The following PRKN variants were observed in gnomAD, a reference collection of about 807,000 sequenced individuals.
PRKN encodes parkin RBR E3 ubiquitin protein ligase, also known as E3 ubiquitin-protein ligase parkin.
Under a neutral mutation model 59.5 loss-of-function variants are expected in PRKN, and 56 were observed. The ratio of observed to expected loss-of-function variants is 0.94; its 90% CI spans 0.76 to 1.18. The LOEUF (loss-of-function observed/expected upper bound fraction) is 1.18, where lower values mean the gene tolerates loss of function less well. Ranked by LOEUF, PRKN falls within the 50% of genes most tolerant of loss-of-function variation. The pLI is 0.00. For missense variants in PRKN, 657 were observed against 596.4 expected (o/e 1.10, Z -1.06); for synonymous variants, 250 against 222.1 (o/e 1.13, Z -1.12).
Position 161,775,482 on chromosome 6 carries a change from G to A in PRKN, c.871+10290C>T, listed in dbSNP as rs111922133. Among the ~76,000 whole-genome samples the A allele has an allele frequency of 4.0e-3, 610 of 152,224 alleles. 8 individuals are homozygous for A. The highest frequency in any genetic ancestry group is 0.014 in the African/African-American group (568 of 41,548). On this transcript the variant is annotated intron_variant, in intron 7 of 11. Coordinates refer to ENST00000366898, the MANE Select transcript of PRKN (RefSeq NM_004562.3). ...TAGCCTCAAATTCCTAGGCTTAAGT[G>A]ATTCACGTAGCCCTCCCAAAGTGCT...
rs1786440689 is a variant in PRKN, at chr6:161,390,111, C to T, written c.1084-3234G>A. ...TTAGATCTATCATGCAGTGGTCCTT[C>T]CCAATTAAGTAACATGAATCTGTCT... On this transcript the variant is annotated intron_variant, in intron 9 of 11. Coordinates refer to ENST00000366898, the MANE Select transcript of PRKN (RefSeq NM_004562.3). This position sits in a 1 kb window ranked among gnomAD's most constrained non-coding sequence, Gnocchi z 7.0. Among the ~76,000 whole-genome samples, 1 of 152,214 alleles carries T rather than the reference C, an allele frequency of 6.6e-6. No individual in the cohort carries two copies. Among genetic ancestry groups the T allele is most frequent in the Non-Finnish European group, 1.5e-5 (1 of 68,046 alleles).
chr6:162,248,455 A>C (rs7741527), intron 3 of PRKN, among the ~76,000 whole-genome samples: 50,090 of 151,958 alleles, frequency 0.33, 10,048 homozygotes, highest in East Asian at 0.66. Context: ...TGCTTGCCTG[A>C]GAACTGTGCT....
At chr6:162,277,706 A>G (rs1189810215) in intron 2 of PRKN, among the ~76,000 whole-genome samples, 4 of 151,362 alleles carry the variant, frequency 2.6e-5, no homozygotes, top group Admixed American at 6.6e-5. Flanking sequence ...TTATGTCCTC[A>G]GGGAGCAGCA....
At chr6:161,367,194 G>T (rs1214319876) in intron 10 of PRKN, among the ~76,000 whole-genome samples, 2 of 151,754 alleles carry the variant, frequency 1.3e-5, no homozygotes, top group Non-Finnish European at 2.9e-5. Flanking sequence ...TGTTAGCCGG[G>T]ATGGTCTCGA....
intron 1 of PRKN, among the ~76,000 whole-genome samples, chr6:162,453,027 T>G (rs1409403309): frequency 6.6e-6 from 1 of 152,096 alleles, no homozygotes; most frequent in Non-Finnish European, 1.5e-5. Flanking sequence ...CTGCCACCAC[T>G]TGAAAAGGTG....
At chr6:162,562,746 C>A (rs1436393607) in intron 1 of PRKN, among the ~76,000 whole-genome samples, 1 of 152,174 alleles carries the variant, frequency 6.6e-6, no homozygotes, top group Non-Finnish European at 1.5e-5. Flanking sequence ...TGGACCTACC[C>A]AGAGAGCCTG....
At chr6:162,519,247 A>G (rs1777989143) in intron 1 of PRKN, among the ~76,000 whole-genome samples, 1 of 152,196 alleles carries the variant, frequency 6.6e-6, no homozygotes, top group South Asian at 2.1e-4. Flanking sequence ...AAAATACGGA[A>G]TAACTTAAAC....
chr6:161,930,743 T>G (rs926656110), intron 6 of PRKN, among the ~76,000 whole-genome samples: 2 of 152,206 alleles, frequency 1.3e-5, no homozygotes, highest in African/African-American at 4.8e-5. Context: ...TCAGATATGA[T>G]GAGGATCCTG....
intron 7 of PRKN, among the ~76,000 whole-genome samples, chr6:161,672,988 C>G (rs1248577750): frequency 6.6e-6 from 1 of 152,156 alleles, no homozygotes; most frequent in Non-Finnish European, 1.5e-5. Flanking sequence ...CGAAAAGGAT[C>G]TCGGCCAGCA....
intron 4 of PRKN, among the ~76,000 whole-genome samples, chr6:162,144,058 A>G (rs1249611319): frequency 1.3e-5 from 2 of 152,190 alleles, no homozygotes; most frequent in African/African-American, 4.8e-5. Flanking sequence ...TATGCTTAAA[A>G]GTGGTTGACA....
intron 4 of PRKN, among the ~76,000 whole-genome samples, chr6:162,132,165 A>C (rs1781389444): frequency 6.6e-6 from 1 of 152,220 alleles, no homozygotes; most frequent in Admixed American, 6.5e-5. Flanking sequence ...TTCTGAAGGT[A>C]ACAAATTCTG....
chr6:161,841,934 G>A (rs1232027139), intron 6 of PRKN, among the ~76,000 whole-genome samples: 1 of 152,012 alleles, frequency 6.6e-6, no homozygotes. Context: ...TGTATTTGGA[G>A]TTGAGTCCAA....
At chr6:161,452,390 C>T (rs1789778226) in intron 9 of PRKN, among the ~76,000 whole-genome samples, 1 of 152,190 alleles carries the variant, frequency 6.6e-6, no homozygotes, top group Non-Finnish European at 1.5e-5. Flanking sequence ...ATACTGTTTA[C>T]AAACTTTGTC....
At chr6:162,210,234 T>C (rs1785149308) in intron 3 of PRKN, among the ~76,000 whole-genome samples, 1 of 152,184 alleles carries the variant, frequency 6.6e-6, no homozygotes, top group South Asian at 2.1e-4. Flanking sequence ...TGTTCTCTCA[T>C]CTGCAATTAT....
intron 2 of PRKN, among the ~76,000 whole-genome samples, chr6:162,420,274 A>T (rs994787635): frequency 1.3e-5 from 2 of 150,460 alleles, no homozygotes; most frequent in Non-Finnish European, 3.0e-5. Flanking sequence ...GGGAGGGGGG[A>T]CTCCTGGTGT....
intron 2 of PRKN, among the ~76,000 whole-genome samples, chr6:162,282,973 C>CCTTT (rs1289145880): frequency 6.6e-6 from 1 of 151,450 alleles, no homozygotes; most frequent in Admixed American, 6.6e-5. Flanking sequence ...GATAAGCTTT[C>CCTTT]CTTTCTTTCT....
intron 1 of PRKN, among the ~76,000 whole-genome samples, chr6:162,718,601 T>C (rs1185798160): frequency 1.3e-5 from 2 of 151,906 alleles, no homozygotes; most frequent in African/African-American, 2.4e-5. Flanking sequence ...TAGTCCCAGC[T>C]ACTCGGGAGG....
intron 9 of PRKN, among the ~76,000 whole-genome samples, chr6:161,387,109 T>C (rs1228410052): frequency 2.0e-5 from 3 of 152,144 alleles, no homozygotes; most frequent in Non-Finnish European, 4.4e-5. Context: ...TGGGTCACAT[T>C]TCCTTCCCTC....
intron 6 of PRKN, among the ~76,000 whole-genome samples, chr6:161,834,466 T>G (rs1439211015): frequency 3.9e-5 from 6 of 152,224 alleles, no homozygotes; most frequent in Non-Finnish European, 8.8e-5. Flanking sequence ...GCATTGTTAT[T>G]ATTTACCAGT....
Sources: gnomAD v4.1 joint callset for allele counts (sites outside exome capture counted in the v4.1 genomes callset) on GRCh38, gnomAD v4.1.1 for gene constraint, Gnocchi (gnomAD v3.1) non-coding constraint, MANE v1.5 for transcripts, NCBI Gene and HGNC (gene_info 2026-07-23, HGNC 2026-07-21) for gene names.